GLO1: variants seen among roughly 807,000 people sequenced by gnomAD.
The protein encoded by GLO1 is glyoxalase I, also known as lactoylglutathione lyase.
Under a neutral mutation model 26.0 loss-of-function variants are expected in GLO1, and 28 were observed. That is an observed-to-expected ratio of 1.08 (90% CI 0.80 to 1.48). The LOEUF is 1.48. GLO1 is among the 40% of genes most tolerant of loss of function. The pLI is 0.00. For synonymous variants in GLO1, 78 were observed against 77.6 expected (o/e 1.00, Z -0.03); for missense variants, 225 against 224.8 (o/e 1.00, Z -0.01).
In GLO1 at chr6:38,688,044, T is replaced by A. The variant is rs940328429; in HGVS notation, c.85-1070A>T. 5.3e-5 allele frequency among the ~76,000 whole-genome samples: 8 copies of A among 152,162 alleles called. No homozygotes were observed. In the South Asian group the frequency reaches 1.7e-3, roughly 32 times the overall value. On this transcript the variant is annotated intron_variant, in intron 1 of 5. Coordinates refer to ENST00000373365, the MANE Select transcript of GLO1 (RefSeq NM_006708.3). ...AGTTCATTCAGCCTCATTAGGAAAT[T>A]ATATTTTTCTCTTTTGCTAAATTTT...
chr6:38,682,157 G>A (rs1339126290), intron 4 of GLO1, 56 bp from the exon 5 acceptor site: 2 of 945,160 alleles, frequency 2.1e-6, no homozygotes, highest in Non-Finnish European at 3.5e-6. Flanking sequence ...TTATAACAGG[G>A]TGTCCAAGTA....
In GLO1 at chr6:38,676,296, T is replaced by G. The variant is rs1761242503; in HGVS notation, c.*999A>C. 6.6e-6 allele frequency: 1 copy of G among 152,144 alleles called. No individual in the cohort carries two copies. The highest frequency in any genetic ancestry group is 2.1e-4 in the South Asian group (1 of 4,832). 9.4% of individuals were successfully genotyped at this position (152,144 alleles called of 1,614,324 possible). A position where few individuals can be genotyped will look rare whatever the true frequency, so the allele number is the denominator to read the frequency against. ...ATGGCTACTGGCATCATGAAGACCT[T>G]GGGATAGGGAAGACTCTTTATGAGA... On this transcript the variant is annotated 3_prime_UTR_variant, in exon 6 of 6. Transcript: ENST00000373365.
At chr6:38,687,463 A>G (rs1461125052) in intron 1 of GLO1, among the ~76,000 whole-genome samples, 3 of 152,260 alleles carry the variant, frequency 2.0e-5, no homozygotes, top group East Asian at 1.9e-4. Flanking sequence ...GTTGATCACT[A>G]CAATATTTGT....
intron 1 of GLO1, among the ~76,000 whole-genome samples, chr6:38,687,884 C>T (rs1761478505): frequency 6.6e-6 from 1 of 151,824 alleles, no homozygotes; most frequent in Non-Finnish European, 1.5e-5. Context: ...CTCACTGGTG[C>T]TTCCTAACAG....
chr6:38,691,506 A>C (rs1396125741), intron 1 of GLO1, among the ~76,000 whole-genome samples: 1 of 152,014 alleles, frequency 6.6e-6, no homozygotes, highest in East Asian at 1.9e-4. Flanking sequence ...AAAGGGTTTC[A>C]CCACATTGGC....
chr6:38,692,291 T>C (rs1761542777), intron 1 of GLO1, among the ~76,000 whole-genome samples: 1 of 152,216 alleles, frequency 6.6e-6, no homozygotes, highest in Non-Finnish European at 1.5e-5. Flanking sequence ...TTTCATTTTA[T>C]TGGGCAATTG....
intron 5 of GLO1, 80 bp from the exon 6 acceptor site, chr6:38,677,463 G>A: frequency 1.4e-6 from 1 of 726,344 alleles, no homozygotes; most frequent in South Asian, 1.5e-5. Flanking sequence ...TTGAGACAAG[G>A]TCTTGCTCTG....
rs575471880 is a variant in GLO1, at chr6:38,694,190, G to C, written c.85-7216C>G. 1.1e-4 allele frequency among the ~76,000 whole-genome samples: 17 copies of C among 152,070 alleles called. No homozygotes were observed. The South Asian group carries it at 3.5e-3, about 32-fold the overall frequency. The stretch of plus-strand genomic sequence containing the variant: ...TACATCATTCCATTCTTTTAAATTT[G>C]CTGAAGTTGGCTTTAGGACCCAGGG... On this transcript the variant is annotated intron_variant, in intron 1 of 5. Coordinates refer to ENST00000373365, the MANE Select transcript of GLO1 (RefSeq NM_006708.3).
Position 38,684,507 on chromosome 6 carries a change from G to A in GLO1, c.175C>T (p.Gln59Ter), listed in dbSNP as rs1236305481. Reference protein sequence around the residue: ...YTRVLGMTLIQKCDFPIMKFS... With the variant: ...YTRVLGMTLI ...TTCATAATGGGAAAATCACATTTTT[G>A]GATTAGCCTGCAATGAAAAAACAAC... is the stretch of plus-strand genomic sequence containing the variant. Residue 59 changes from glutamine to a stop codon, truncating the protein, a stop_gained, in exon 3 of 6, where the codon CAA becomes TAA. Coordinates refer to ENST00000373365, the MANE Select transcript of GLO1 (RefSeq NM_006708.3). LOFTEE classifies it high-confidence loss of function. 2.6e-6 allele frequency: 4 copies of A among 1,527,744 alleles called. No individual in the cohort carries two copies. Among genetic ancestry groups the A allele is most frequent in the Non-Finnish European group, 3.5e-6 (4 of 1,137,808 alleles). 94.6% of individuals were successfully genotyped at this position (1,527,744 alleles called of 1,614,324 possible). A position where few individuals can be genotyped will look rare whatever the true frequency, so the allele number is the denominator to read the frequency against.
At chr6:38,700,222 A>C (rs150917876) in intron 1 of GLO1, among the ~76,000 whole-genome samples, 141 of 152,352 alleles carry the variant, frequency 9.3e-4, no homozygotes, top group African/African-American at 3.3e-3. Context: ...CCGTATCAAA[A>C]CACATTTTTG....
intron 5 of GLO1, among the ~76,000 whole-genome samples, chr6:38,680,915 T>C (rs1373821787): frequency 6.6e-6 from 1 of 152,058 alleles, no homozygotes; most frequent in African/African-American, 2.4e-5. Context: ...CTACAAGAGA[T>C]ATATGAAGAA....
chr6:38,692,153 T>C (rs1761540226), intron 1 of GLO1, among the ~76,000 whole-genome samples: 1 of 152,224 alleles, frequency 6.6e-6, no homozygotes, highest in Non-Finnish European at 1.5e-5. Context: ...ATATCCTTAC[T>C]GTGCTGAGTC....
At chr6:38,678,403 A>AGGAAG (rs879520854) in intron 5 of GLO1, among the ~76,000 whole-genome samples, 1 of 125,276 alleles carries the variant, frequency 8.0e-6, no homozygotes, top group Admixed American at 8.2e-5. Flanking sequence ...AGGAAGGAAA[A>AGGAAG]GAAAAGGAAA....
intron 1 of GLO1, among the ~76,000 whole-genome samples, chr6:38,695,128 A>G (rs1761590065): frequency 1.3e-5 from 2 of 151,814 alleles, no homozygotes; most frequent in Non-Finnish European, 1.5e-5. Flanking sequence ...CATTTTATTC[A>G]TGTTTGTTTT....
intron 5 of GLO1, among the ~76,000 whole-genome samples, chr6:38,679,465 C>A (rs1287957419): frequency 6.6e-6 from 1 of 152,118 alleles, no homozygotes; most frequent in Non-Finnish European, 1.5e-5. Flanking sequence ...CAGGCATGAG[C>A]CACCATGCCC....
In GLO1 at chr6:38,676,781, C is replaced by G. The variant is rs1761249059; in HGVS notation, c.*514G>C. 6.6e-6 allele frequency: 1 copy of G among 152,220 alleles called. No homozygotes were observed. Among genetic ancestry groups the G allele is most frequent in the African/African-American group, 2.4e-5 (1 of 41,426 alleles). 9.4% of individuals were successfully genotyped at this position (152,220 alleles called of 1,614,324 possible). On this transcript the variant is annotated 3_prime_UTR_variant, in exon 6 of 6. Coordinates refer to ENST00000373365, the MANE Select transcript of GLO1 (RefSeq NM_006708.3). ...AATAAGAAGAAATCACTTTTTCTAT[C>G]AGTATCCTTGTCAGCATGATTTGAA...
At chr6:38,689,219 C>T (rs1761499295) in intron 1 of GLO1, among the ~76,000 whole-genome samples, 1 of 152,242 alleles carries the variant, frequency 6.6e-6, no homozygotes, top group Non-Finnish European at 1.5e-5. Flanking sequence ...GAGTAAGGAA[C>T]ACAGTCCTGT....
intron 1 of GLO1, among the ~76,000 whole-genome samples, chr6:38,690,742 T>A (rs989624780): frequency 2.0e-5 from 3 of 152,144 alleles, no homozygotes; most frequent in Non-Finnish European, 2.9e-5. Context: ...AAAAGTAAGA[T>A]ATATTCAACG....
chr6:38,677,278 G>A lies in GLO1; in HGVS notation c.*17C>T. 8.8e-7 allele frequency: 1 copy of A among 1,130,420 alleles called. No homozygotes were observed. Among genetic ancestry groups the A allele is most frequent in the Non-Finnish European group, 1.4e-6 (1 of 739,170 alleles). The allele number at this position is 1,130,420 out of a possible 1,614,324, so 70.0% of individuals were successfully genotyped here. A position where few individuals can be genotyped will look rare whatever the true frequency, so the allele number is the denominator to read the frequency against. On this transcript the variant is annotated 3_prime_UTR_variant, in exon 6 of 6. Coordinates refer to ENST00000373365, the MANE Select transcript of GLO1 (RefSeq NM_006708.3). ...GTTTCCTTTCTTCTGAAATCTCAAA[G>A]GAGAATTCTCACAGCACTACATTAA...
Sources: allele counts gnomAD v4.1 joint callset (sites outside exome capture counted in the v4.1 genomes callset), GRCh38; gene constraint gnomAD v4.1.1; transcripts MANE v1.5; gene names NCBI Gene and HGNC (gene_info 2026-07-23, HGNC 2026-07-21).